NT5C3A: variants seen among roughly 807,000 people sequenced by gnomAD.
The protein encoded by NT5C3A is 5'-nucleotidase, cytosolic IIIA.
In NT5C3A, 23 loss-of-function variants were observed where a neutral mutation model predicts 40.0. That is an observed-to-expected ratio of 0.58 (90% CI 0.41 to 0.81). The LOEUF (loss-of-function observed/expected upper bound fraction) is 0.81, where lower values mean the gene tolerates loss of function less well. Among genes scored for constraint, NT5C3A ranks in the 40% least tolerant of loss-of-function variants. The probability of loss-of-function intolerance (pLI) is 0.00; values close to 1 mark genes in which losing one functional copy is unlikely to be tolerated. For synonymous variants in NT5C3A, 130 were observed against 141.4 expected, an observed-to-expected ratio of 0.92 and a Z score of 0.57; for missense variants, 328 against 403.0, an observed-to-expected ratio of 0.81 and a Z score of 1.59.
chr7:33,032,641 G>C (rs1786344263), intron 1 of NT5C3A, among the ~76,000 whole-genome samples: 1 of 151,774 alleles, frequency 6.6e-6, no homozygotes, highest in Admixed American at 6.6e-5. Context: ...TTTTTTTGTA[G>C]AAACAGGGTT....
At chr7:33,035,984 A>G in intron 1 of NT5C3A, 3 of 1,613,220 alleles carry the variant, frequency 1.9e-6, no homozygotes, top group Non-Finnish European at 1.7e-6. Context: ...TGGTTATCCA[A>G]TCTTCTGGAT....
chr7:33,033,868 T>C (rs901608814), intron 1 of NT5C3A, among the ~76,000 whole-genome samples: 1 of 126,224 alleles, frequency 7.9e-6, no homozygotes. Flanking sequence ...AAGTTGTCAA[T>C]ATAAAAGACA....
rs79847948 is a variant in NT5C3A, at chr7:33,061,954, G to A, written c.138+614C>T. ...GAAAATGTATACAAGAGCTTTGGGA[G>A]TTAAGATGAAAACAAAGATATTTCG... On this transcript the variant is annotated intron_variant, in intron 1 of 8. Transcript: ENST00000610140. Among the ~76,000 whole-genome samples the A allele has an allele frequency of 7.9e-3, 1,209 of 152,304 alleles. 54 individuals carry two copies. In the East Asian group the frequency reaches 0.14, roughly 17 times the overall value.
chr7:33,026,978 C>G (rs866241548), intron 1 of NT5C3A, 63 bp from the exon 2 acceptor site: 2 of 1,080,868 alleles, frequency 1.9e-6, no homozygotes, highest in Non-Finnish European at 2.8e-6. Flanking sequence ...TCCTTTGATA[C>G]CAAGCAGAAA....
At chr7:33,058,034 C>G (rs985151745) in intron 1 of NT5C3A, among the ~76,000 whole-genome samples, 2 of 150,718 alleles carry the variant, frequency 1.3e-5, no homozygotes, top group Non-Finnish European at 3.0e-5. Context: ...ATTTTTTTTT[C>G]CTTTTGGCTC....
At chr7:33,062,113 A>G (rs759503918) in intron 1 of NT5C3A, among the ~76,000 whole-genome samples, 2 of 152,148 alleles carry the variant, frequency 1.3e-5, no homozygotes, top group Admixed American at 6.5e-5. Context: ...CCCCAACATA[A>G]AACTAGTCCT....
At chr7:33,027,022 C>A in intron 1 of NT5C3A, 107 bp from the exon 2 acceptor site, 1 of 709,284 alleles carries the variant, frequency 1.4e-6, no homozygotes, top group Non-Finnish European at 2.4e-6. Flanking sequence ...AATATTAAGG[C>A]ATTATTTTTA....
intron 1 of NT5C3A, among the ~76,000 whole-genome samples, chr7:33,031,431 T>C (rs551477498): frequency 6.7e-6 from 1 of 150,224 alleles, no homozygotes. Context: ...CTACAAACAA[T>C]ACAAAAATTA....
intron 1 of NT5C3A, among the ~76,000 whole-genome samples, chr7:33,030,001 T>C (rs1223701721): frequency 1.3e-5 from 2 of 151,900 alleles, no homozygotes; most frequent in Non-Finnish European, 2.9e-5. Flanking sequence ...GGCACGGGAG[T>C]AAAATAATGA....
chr7:33,034,531 G>A (rs895580679), intron 1 of NT5C3A, among the ~76,000 whole-genome samples: 2 of 152,196 alleles, frequency 1.3e-5, no homozygotes, highest in African/African-American at 4.8e-5. Context: ...AATGAATCAA[G>A]TGCCAATCCT....
intron 7 of NT5C3A, 117 bp from the exon 8 acceptor site, chr7:33,015,987 TGA>T (rs1785302647): frequency 1.4e-6 from 1 of 737,636 alleles, no homozygotes; most frequent in African/African-American, 1.8e-5. Flanking sequence ...AATACATCTT[TGA>T]TACTAGAGAT....
chr7:33,056,226 G>A (rs940829786), intron 1 of NT5C3A, among the ~76,000 whole-genome samples: 1 of 151,958 alleles, frequency 6.6e-6, no homozygotes, highest in Non-Finnish European at 1.5e-5. Context: ...ATCAGGAAAT[G>A]CCAAAGGAAT....
chr7:33,050,934 A>G (rs1445760029), intron 1 of NT5C3A, among the ~76,000 whole-genome samples: 4 of 152,104 alleles, frequency 2.6e-5, no homozygotes, highest in Non-Finnish European at 5.9e-5. Context: ...CTGATGGAAA[A>G]ACTGAATTGT....
chr7:33,034,402 A>G (rs1786466587), intron 1 of NT5C3A, among the ~76,000 whole-genome samples: 1 of 152,146 alleles, frequency 6.6e-6, no homozygotes, highest in African/African-American at 2.4e-5. Context: ...CATTGTTTAT[A>G]TGTCAGGGAA....
At chr7:33,026,686 G>T in intron 2 of NT5C3A, 131 bp downstream of exon 2, 2 of 652,470 alleles carry the variant, frequency 3.1e-6, no homozygotes, top group East Asian at 2.9e-5. Context: ...TAGAGATGGG[G>T]TCTCACTATG....
intron 2 of NT5C3A, among the ~76,000 whole-genome samples, chr7:33,024,309 T>C (rs534643160): frequency 6.6e-6 from 1 of 152,348 alleles, no homozygotes; most frequent in Admixed American, 6.5e-5. Flanking sequence ...TAATCTTAAC[T>C]ACAAGGTGCT....
At chr7:33,024,846 T>C (rs909125764) in intron 2 of NT5C3A, among the ~76,000 whole-genome samples, 1 of 152,038 alleles carries the variant, frequency 6.6e-6, no homozygotes, top group Admixed American at 6.6e-5. Flanking sequence ...ACTTTAAAAA[T>C]TGAAAAAATC....
chr7:33,052,811 A>C (rs1440077125), intron 1 of NT5C3A, among the ~76,000 whole-genome samples: 1 of 152,204 alleles, frequency 6.6e-6, no homozygotes, highest in Non-Finnish European at 1.5e-5. Context: ...AGGCTTGTTA[A>C]AACAGACTGC....
At chr7:33,031,506 G>C (rs1172630524) in intron 1 of NT5C3A, among the ~76,000 whole-genome samples, 1 of 151,890 alleles carries the variant, frequency 6.6e-6, no homozygotes, top group Non-Finnish European at 1.5e-5. Flanking sequence ...AGGATTGCCT[G>C]AGCCTGGGAG....
Sources: gnomAD v4.1 joint callset for allele counts (sites outside exome capture counted in the v4.1 genomes callset) on GRCh38, gnomAD v4.1.1 for gene constraint, MANE v1.5 for transcripts, NCBI Gene and HGNC (gene_info 2026-07-23, HGNC 2026-07-21) for gene names.